The following PACRG variants were observed in gnomAD, a reference collection of about 807,000 sequenced individuals.
The protein encoded by PACRG is parkin coregulated, also known as parkin coregulated gene protein.
A neutral mutation model predicts 29.7 loss-of-function variants in PACRG; 29 were observed. That is an observed-to-expected ratio of 0.98 (90% CI 0.73 to 1.33). The LOEUF is 1.33. Ranked by LOEUF, PACRG falls within the 40% of genes most tolerant of loss-of-function variation. The pLI, the probability that PACRG is intolerant of heterozygous loss-of-function variation, is 0.00. For synonymous variants in PACRG, 116 were observed against 118.7 expected (o/e 0.98, Z 0.15); for missense variants, 279 against 316.2 (o/e 0.88, Z 0.89).
At chr6:162,864,422 G>C (rs1792125473) in intron 2 of PACRG, among the ~76,000 whole-genome samples, 1 of 151,934 alleles carries the variant, frequency 6.6e-6, no homozygotes, top group Admixed American at 6.6e-5. Flanking sequence ...CCTTATTCTA[G>C]GTGCTCACAC....
chr6:163,264,577 A>G (rs1250217128), intron 4 of PACRG, among the ~76,000 whole-genome samples: 2 of 152,172 alleles, frequency 1.3e-5, no homozygotes, highest in African/African-American at 4.8e-5. Context: ...CAGAAACAAG[A>G]TCTGGGCTGG....
intron 4 of PACRG, among the ~76,000 whole-genome samples, chr6:163,145,381 G>A (rs1777753473): frequency 6.6e-6 from 1 of 152,196 alleles, no homozygotes; most frequent in Non-Finnish European, 1.5e-5. Flanking sequence ...GTCATGCAGT[G>A]TACATTTTCC....
At chr6:162,765,979 A>G (rs1298852485) in intron 1 of PACRG, among the ~76,000 whole-genome samples, 4 of 152,182 alleles carry the variant, frequency 2.6e-5, no homozygotes, top group Non-Finnish European at 4.4e-5. Flanking sequence ...ACAGAGTACA[A>G]TGTCATGTGT....
intron 1 of PACRG, among the ~76,000 whole-genome samples, chr6:162,740,005 T>C (rs1282730485): frequency 1.3e-5 from 2 of 152,196 alleles, no homozygotes; most frequent in Non-Finnish European, 2.9e-5. Context: ...GGCTTTCTTT[T>C]GATCTTTTCC....
intron 2 of PACRG, among the ~76,000 whole-genome samples, chr6:162,911,660 C>T (rs909071204): frequency 6.6e-6 from 1 of 152,128 alleles, no homozygotes; most frequent in African/African-American, 2.4e-5. Context: ...AGTAAATGCC[C>T]ATCTTTAGAT....
intron 4 of PACRG, among the ~76,000 whole-genome samples, chr6:163,240,279 G>T (rs971911857): frequency 2.0e-5 from 3 of 149,722 alleles, no homozygotes; most frequent in Non-Finnish European, 4.5e-5. Flanking sequence ...CGATTGGGGG[G>T]TGCATTAAGA....
In PACRG at chr6:163,286,282, T is replaced by C. The variant is rs183391035; in HGVS notation, c.614-28545T>C. On this transcript the variant is annotated intron_variant, in intron 4 of 4. Transcript: ENST00000366888. Reference sequence around the variant, plus strand: ...CATAAATATTTATTGTCAGGAAATATCAGTATGTACAGCTGTTTTTAGGAA... The same window carrying C: ...CATAAATATTTATTGTCAGGAAATACCAGTATGTACAGCTGTTTTTAGGAA... 3.6e-3 allele frequency among the ~76,000 whole-genome samples: 548 copies of C among 152,290 alleles called. 4 individuals are homozygous for C. The highest frequency in any genetic ancestry group is 0.013 in the African/African-American group (522 of 41,562).
rs1791118037 is a variant in PACRG at position 162,853,669 on chromosome 6, C to A, written c.291+39388C>A. On this transcript the variant is annotated intron_variant, in intron 2 of 4. Transcript: ENST00000366888. The surrounding 1 kb of genome is among the most constrained non-coding windows in gnomAD (Gnocchi z 4.7). ...AAACAACACACACTGAACTTAGCAT[C>A]TGGGGGATGTAACAGTATGTACAAC... 6.6e-6 allele frequency among the ~76,000 whole-genome samples: 1 copy of A among 152,206 alleles called. No individual in the cohort carries two copies. Among genetic ancestry groups the A allele is most frequent in the Non-Finnish European group, 1.5e-5 (1 of 68,030 alleles).
chr6:162,914,264 T>G (rs1390988834), intron 2 of PACRG, among the ~76,000 whole-genome samples: 1 of 152,144 alleles, frequency 6.6e-6, no homozygotes, highest in Non-Finnish European at 1.5e-5. Context: ...TCTATTTTTT[T>G]CCATACAGAT....
intron 2 of PACRG, among the ~76,000 whole-genome samples, chr6:162,818,568 G>A (rs978557950): frequency 6.6e-6 from 1 of 152,166 alleles, no homozygotes; most frequent in Non-Finnish European, 1.5e-5. Context: ...TCGAGAGAAA[G>A]AGATGAAGAT....
chr6:163,221,706 G>A (rs1322102734), intron 4 of PACRG, among the ~76,000 whole-genome samples: 2 of 152,234 alleles, frequency 1.3e-5, no homozygotes, highest in African/African-American at 4.8e-5. Context: ...CTGCAAGTGT[G>A]CTGAACTGTA....
At chr6:163,058,879 G>A (rs576780412) in intron 2 of PACRG, among the ~76,000 whole-genome samples, 120 of 144,606 alleles carry the variant, frequency 8.3e-4, no homozygotes, top group Non-Finnish European at 1.5e-3. Flanking sequence ...CAGCCTGGGC[G>A]ACAGAGCGAG....
chr6:162,841,297 T>C (rs1220624007), intron 2 of PACRG, among the ~76,000 whole-genome samples: 2 of 147,538 alleles, frequency 1.4e-5, no homozygotes, highest in East Asian at 4.2e-4. Context: ...TATTCAGAGA[T>C]TCAACTTCTT....
At chr6:163,305,036 C>T (rs564643639) in intron 4 of PACRG, among the ~76,000 whole-genome samples, 3 of 152,352 alleles carry the variant, frequency 2.0e-5, no homozygotes, top group South Asian at 2.1e-4. Context: ...GTGTCCCACA[C>T]AGCAGCAACT....
intron 2 of PACRG, among the ~76,000 whole-genome samples, chr6:162,923,620 C>T (rs902340524): frequency 1.3e-5 from 2 of 152,010 alleles, no homozygotes; most frequent in African/African-American, 4.8e-5. Flanking sequence ...TGTGTCATTT[C>T]CCCAATGTAT....
chr6:162,767,604 A>G (rs1782900881), intron 1 of PACRG, among the ~76,000 whole-genome samples: 1 of 151,786 alleles, frequency 6.6e-6, no homozygotes, highest in African/African-American at 2.4e-5. Flanking sequence ...TTTATCTTAT[A>G]CATTCTGACA....
chr6:163,109,826 T>C (rs897540540), intron 4 of PACRG, among the ~76,000 whole-genome samples: 3 of 152,222 alleles, frequency 2.0e-5, no homozygotes, highest in Non-Finnish European at 2.9e-5. Context: ...TGTGGTACTA[T>C]AGAGCCTCCT....
chr6:163,018,195 A>G (rs1806280772), intron 2 of PACRG, among the ~76,000 whole-genome samples: 1 of 152,138 alleles, frequency 6.6e-6, no homozygotes, highest in Non-Finnish European at 1.5e-5. Flanking sequence ...ATCAGCAAAC[A>G]TTCTACTTTT....
chr6:163,228,411 A>G (rs372053771), intron 4 of PACRG, among the ~76,000 whole-genome samples: 183 of 151,322 alleles, frequency 1.2e-3, no homozygotes, highest in African/African-American at 4.0e-3. Context: ...AAAAAATGGA[A>G]TAAGTAAACC....
Sources: gnomAD v4.1 joint callset for allele counts (sites outside exome capture counted in the v4.1 genomes callset) on GRCh38, gnomAD v4.1.1 for gene constraint, Gnocchi (gnomAD v3.1) non-coding constraint, MANE v1.5 for transcripts, NCBI Gene and HGNC (gene_info 2026-07-23, HGNC 2026-07-21) for gene names.